Variants in MEF2B observed in about 807,000 individuals in gnomAD.
MEF2B encodes myocyte-specific enhancer factor 2B.
In MEF2B, 15 loss-of-function variants were observed where a neutral mutation model predicts 32.2. That is an observed-to-expected ratio of 0.47 (90% CI 0.31 to 0.72). The LOEUF is 0.72. Among genes scored for constraint, MEF2B ranks in the 30% least tolerant of loss-of-function variants. The pLI is 0.05. For missense variants in MEF2B, 441 were observed against 511.5 expected (o/e 0.86, Z 1.33); for synonymous variants, 205 against 225.6 (o/e 0.91, Z 0.82).
intron 1 of MEF2B, among the ~76,000 whole-genome samples, chr19:19,161,680 C>A (rs1049309689): frequency 2.0e-5 from 3 of 147,274 alleles, no homozygotes; most frequent in African/African-American, 7.5e-5. Flanking sequence ...TGTGGAGACC[C>A]CCGCCAGACG....
At chr19:19,167,222 G>A (rs995303179) in intron 1 of MEF2B, among the ~76,000 whole-genome samples, 13 of 151,868 alleles carry the variant, frequency 8.6e-5, no homozygotes, top group African/African-American at 3.1e-4. Flanking sequence ...ATGGTGGCAC[G>A]CACCTGTAAT....
chr19:19,150,182 G>GGGAAGGAA lies in MEF2B; in HGVS notation c.54+492_54+499dup, dbSNP rs762140000. On this transcript the variant is annotated intron_variant, in intron 2 of 8. Coordinates refer to ENST00000424583, the MANE Select transcript of MEF2B (RefSeq NM_001145785.2). Reference sequence around the variant, plus strand: ...AGGGAGGGAGGGAAGGAGGGAGGGAGGGAAGGAAGGAAGGAAGGAAGGAAG... The same window carrying GGGAAGGAA: ...AGGGAGGGAGGGAAGGAGGGAGGGAGGGAAGGAAGGAAGGAAGGAAGGAAGGAAGGAAG... Among the ~76,000 whole-genome samples the GGGAAGGAA allele has an allele frequency of 2.1e-3, 227 of 110,168 alleles. 1 individual carries two copies. The highest frequency in any genetic ancestry group is 6.2e-3 in the African/African-American group (158 of 25,638). 72.3% of individuals were successfully genotyped at this position (110,168 alleles called of 152,430 possible). A position where few individuals can be genotyped will look rare whatever the true frequency, so the allele number is the denominator to read the frequency against.
At position 19,145,917 on chromosome 19, in the gene MEF2B, G is replaced by A. The variant is rs1432460476; in HGVS notation, c.987C>T (p.Gly329=). ...GGAAGGTCTTAGGAAAGTCGCCGGG[G>A]CCCCCGGGGGCCGGAGAGAGGCGCT... The part of the protein sequence containing the change: ...KSERLSPAPG[G]PGDFPKTFPY... Residue 329 remains glycine, a synonymous_variant, in exon 9 of 9, where the codon GGC becomes GGT. Transcript: ENST00000424583. This position sits in a 1 kb window ranked among gnomAD's most constrained non-coding sequence, Gnocchi z 4.6. The A allele has an allele frequency of 4.2e-6, 6 of 1,440,164 alleles. No homozygotes were observed. The highest frequency in any genetic ancestry group is 1.5e-5 in the African/African-American group (1 of 68,190). 89.2% of individuals were successfully genotyped at this position (1,440,164 alleles called of 1,614,324 possible). A position where few individuals can be genotyped will look rare whatever the true frequency, so the allele number is the denominator to read the frequency against.
At chr19:19,152,809 G>C (rs1480653214) in intron 1 of MEF2B, among the ~76,000 whole-genome samples, 1 of 152,224 alleles carries the variant, frequency 6.6e-6, no homozygotes, top group Non-Finnish European at 1.5e-5. Flanking sequence ...CCAGGGCCCA[G>C]AAGTGTTAGA....
Position 19,146,727 on chromosome 19 carries a change from C to G in MEF2B, c.675+15G>C. 1 of 1,613,948 alleles carries G rather than the reference C, an allele frequency of 6.2e-7. No homozygotes were observed. The highest frequency in any genetic ancestry group is 8.5e-7 in the Non-Finnish European group (1 of 1,179,940). On this transcript the variant is annotated intron_variant, in intron 6 of 8. Coordinates refer to ENST00000424583, the MANE Select transcript of MEF2B (RefSeq NM_001145785.2). ...CCTGCCCTCATCAGCCCTGCCACACCCTCCCCTCACTCACGGAGGTGTTTA... is the reference window on the plus strand; with the variant it reads ...CCTGCCCTCATCAGCCCTGCCACACGCTCCCCTCACTCACGGAGGTGTTTA...
chr19:19,163,073 G>T (rs1173810214), intron 1 of MEF2B, among the ~76,000 whole-genome samples: 1 of 152,192 alleles, frequency 6.6e-6, no homozygotes, highest in African/African-American at 2.4e-5. Context: ...CACCCTTCTA[G>T]GTTTGCCCAA....
At chr19:19,146,956 G>A (rs1225169290) in intron 5 of MEF2B, 80 bp downstream of exon 5, 48 of 1,566,302 alleles carry the variant, frequency 3.1e-5, no homozygotes, top group Middle Eastern at 1.8e-4. Flanking sequence ...GGTGATGCAC[G>A]CAGCCTGGCA....
chr19:19,146,459 CAG>C (rs1182165426), intron 7 of MEF2B, 75 bp from the exon 8 acceptor site: 53 of 1,326,066 alleles, frequency 4.0e-5, no homozygotes, highest in Non-Finnish European at 4.6e-5. Context: ...CCCCCAGTGA[CAG>C]TTTTGAGTTC....
intron 1 of MEF2B, among the ~76,000 whole-genome samples, chr19:19,161,133 G>A (rs2060158361): frequency 6.6e-6 from 1 of 152,118 alleles, no homozygotes; most frequent in African/African-American, 2.4e-5. Context: ...GGGCTTCACA[G>A]TAAGGTGCTT....
chr19:19,147,162 T>C lies in MEF2B; in HGVS notation c.415A>G (p.Ser139Gly), dbSNP rs749839100. 6.3e-6 allele frequency: 10 copies of C among 1,584,406 alleles called. No homozygotes were observed. The highest frequency in any genetic ancestry group is 7.7e-6 in the Non-Finnish European group (9 of 1,165,812). The change falls in exon 5 of 9, where the codon AGC (serine) becomes GGC (glycine). Residue 139 changes from serine (S) to glycine (G), a missense_variant. Transcript: ENST00000424583. ...RLYPAAPAMP[S>G]PDVVYGALPP... is the part of the protein sequence containing the mutation. ...AAGGCCCCGTATACCACATCTGGGC[T>C]GGGCATAGCAGGAGCTGCAGGCTGT...
chr19:19,157,348 C>G (rs867099681), intron 1 of MEF2B: 1 of 152,666 alleles, frequency 6.6e-6, no homozygotes. Flanking sequence ...TGGAATCAAC[C>G]TGGAAGCCCT....
At position 19,145,959 on chromosome 19, in the gene MEF2B, TG is replaced by T. The variant is rs1202792889; in HGVS notation, c.944del (p.Pro315GlnfsTer89). The T allele has an allele frequency of 1.4e-5, 20 of 1,410,100 alleles. No homozygotes were observed. The highest frequency in any genetic ancestry group is 3.1e-5 in the Admixed American group (1 of 31,868). 87.3% of individuals were successfully genotyped at this position (1,410,100 alleles called of 1,614,324 possible). ...AGAGGCGCTCAGACTTGATGCTGACTGGGGGGGTCGGCGGGGAGGCGCCGCG... is the reference window on the plus strand; with the variant it reads ...AGAGGCGCTCAGACTTGATGCTGACTGGGGGGTCGGCGGGGAGGCGCCGCG... ...PTRGASPPTP[P>X]VSIKSERLSP... On this transcript the variant is annotated frameshift_variant, in exon 9 of 9. Transcript: ENST00000424583. LOFTEE classifies it low-confidence loss of function (END_TRUNC). This position sits in a 1 kb window ranked among gnomAD's most constrained non-coding sequence, Gnocchi z 4.6.
intron 1 of MEF2B, among the ~76,000 whole-genome samples, chr19:19,158,148 C>T (rs1019832784): frequency 5.3e-5 from 8 of 150,940 alleles, no homozygotes; most frequent in African/African-American, 1.9e-4. Context: ...AGTGCAGTGG[C>T]ATGATCTCAG....
Position 19,146,274 on chromosome 19 carries a change from T to G in MEF2B, c.880A>C (p.Ser294Arg). The change falls in exon 8 of 9, where the codon AGT becomes CGT. Residue 294 changes from serine to arginine, a missense_variant and splice_region_variant. Physicochemically the swap from Ser to Arg is moderately radical, Grantham distance 110. Around this residue, in one of 2 missense-constraint regions of MEF2B, gnomAD observed 326 missense variants for 328.4 expected, o/e 0.99. Transcript: ENST00000424583. ...DGPPAVSSQP[S>R]GGRSLGEEGP... ...TTGCCGTCGTCTCAGGGCACTTACC[T>G]GGGCTGGGAGGACACGGCGGGGGGC... is the stretch of plus-strand genomic sequence containing the variant. 1 of 1,264,482 alleles carries G rather than the reference T, an allele frequency of 7.9e-7. No individual in the cohort carries two copies. Among genetic ancestry groups the G allele is most frequent in the Non-Finnish European group, 1.0e-6 (1 of 996,142 alleles). The allele number at this position is 1,264,482 out of a possible 1,614,324, so 78.3% of individuals were successfully genotyped here. A position where few individuals can be genotyped will look rare whatever the true frequency, so the allele number is the denominator to read the frequency against.
intron 1 of MEF2B, among the ~76,000 whole-genome samples, chr19:19,164,135 T>A (rs1332451385): frequency 6.6e-6 from 1 of 152,128 alleles, no homozygotes; most frequent in Non-Finnish European, 1.5e-5. Flanking sequence ...GCCCAGCTAA[T>A]TTTTTATTTT....
chr19:19,150,707 C>G lies in MEF2B; in HGVS notation c.29G>C (p.Arg10Pro), dbSNP rs767519545. ...CTGCCGATTCCTTTGGTCCAGGATG[C>G]GGGAGATCTGGATTTTTTTCCTCCC... MGRKKIQIS[R>P]ILDQRNRQVT... The change falls in exon 2 of 9, where the codon CGC becomes CCC. Residue 10 changes from arginine to proline, a missense_variant. This residue lies in a region of MEF2B where 115 missense variants were observed against 183.1 expected (regional missense o/e 0.63). Coordinates refer to ENST00000424583, the MANE Select transcript of MEF2B (RefSeq NM_001145785.2). 20 of 1,613,890 alleles carry G rather than the reference C, an allele frequency of 1.2e-5. No individual in the cohort carries two copies. The East Asian group carries it at 3.1e-4, about 25-fold the overall frequency.
intron 5 of MEF2B, 52 bp downstream of exon 5, chr19:19,146,984 C>T (rs2146351544): frequency 6.4e-7 from 1 of 1,562,746 alleles, no homozygotes; most frequent in Non-Finnish European, 8.7e-7. Flanking sequence ...AGCCAAGATG[C>T]ACCCAAACAG....
chr19:19,146,539 A>C lies in MEF2B; in HGVS notation c.769+16T>G, dbSNP rs1027802105. On this transcript the variant is annotated intron_variant, in intron 7 of 8. Transcript: ENST00000424583. ...GGACGCTTCCCAGGTGGGGCAGGGC[A>C]GGTTAGGGGATGTACCTGGGGGGCC... is the stretch of plus-strand genomic sequence containing the variant. The C allele has an allele frequency of 9.2e-6, 14 of 1,525,498 alleles. No homozygotes were observed. In the African/African-American group the frequency reaches 2.0e-4, roughly 21 times the overall value. 94.5% of individuals were successfully genotyped at this position (1,525,498 alleles called of 1,614,324 possible). A position where few individuals can be genotyped will look rare whatever the true frequency, so the allele number is the denominator to read the frequency against.
chr19:19,156,921 G>A (rs2060124278), intron 1 of MEF2B: 1 of 152,946 alleles, frequency 6.5e-6, no homozygotes, highest in African/African-American at 2.4e-5. Flanking sequence ...AGAGGCTGAG[G>A]TGGGAGGATT....
Sources: allele counts gnomAD v4.1 joint callset (sites outside exome capture counted in the v4.1 genomes callset), GRCh38; gene constraint gnomAD v4.1.1; regional missense constraint gnomAD v4.1.1; non-coding constraint Gnocchi (gnomAD v3.1); transcripts MANE v1.5; gene names NCBI Gene and HGNC (gene_info 2026-07-23, HGNC 2026-07-21).